AREG: variants seen among roughly 807,000 people sequenced by gnomAD.
AREG encodes amphiregulin B.
In AREG, 16 loss-of-function variants were observed where a neutral mutation model predicts 28.0. The ratio of observed to expected loss-of-function variants is 0.57; its 90% CI spans 0.39 to 0.87. The LOEUF (loss-of-function observed/expected upper bound fraction) is 0.87, where lower values mean the gene tolerates loss of function less well. AREG is among the 40% of genes least tolerant of loss of function. The probability of loss-of-function intolerance (pLI) is 0.00; values close to 1 mark genes in which losing one functional copy is unlikely to be tolerated. For synonymous variants in AREG, 113 were observed against 113.5 expected, an observed-to-expected ratio of 1.00 and a Z score of 0.02; for missense variants, 287 against 309.1, an observed-to-expected ratio of 0.93 and a Z score of 0.53.
Position 74,446,672 on chromosome 4 carries a change from G to A in AREG, c.200G>A (p.Ser67Asn). 1 of 1,613,960 alleles carries A rather than the reference G, an allele frequency of 6.2e-7. No homozygotes were observed. The highest frequency in any genetic ancestry group is 8.5e-7 in the Non-Finnish European group (1 of 1,179,868). ...MSSGSEISPV[S>N]EMPSSSEPSS... is the part of the protein sequence containing the mutation. ...TCAGGGAGTGAGATTTCCCCTGTGA[G>A]TGAAATGCCTTCTAGTAGTGAACCG... The change falls in exon 2 of 6, where the codon AGT becomes AAT. Residue 67 changes from serine to asparagine, a missense_variant. Coordinates refer to ENST00000395748, the MANE Select transcript of AREG (RefSeq NM_001657.4).
intron 2 of AREG, among the ~76,000 whole-genome samples, chr4:74,447,747 G>C (rs936521107): frequency 6.6e-6 from 1 of 152,186 alleles, no homozygotes; most frequent in African/African-American, 2.4e-5. Flanking sequence ...CTGGTGAAGG[G>C]ACATCAAGTG....
rs1016501771 is a variant in AREG, at chr4:74,452,526, A to G, written c.666-18A>G. On this transcript the variant is annotated intron_variant, in intron 4 of 5. Coordinates refer to ENST00000395748, the MANE Select transcript of AREG (RefSeq NM_001657.4). Reference sequence around the variant, plus strand: ...TGAATAGAACCTTGATAACATTAGAATGCCTTGTTCTCTGAAGGCTTAGAA... The same window carrying G: ...TGAATAGAACCTTGATAACATTAGAGTGCCTTGTTCTCTGAAGGCTTAGAA... 8.1e-6 allele frequency: 13 copies of G among 1,613,358 alleles called. No homozygotes were observed. The African/African-American group carries it at 1.6e-4, about 20-fold the overall frequency.
At chr4:74,448,341 A>C (rs989252714) in intron 2 of AREG, among the ~76,000 whole-genome samples, 1 of 152,200 alleles carries the variant, frequency 6.6e-6, no homozygotes. Context: ...CTCAGTATTT[A>C]TTTTCCATTT....
chr4:74,446,050 A>C (rs571561524), intron 1 of AREG, among the ~76,000 whole-genome samples: 1 of 88,166 alleles, frequency 1.1e-5, no homozygotes, highest in South Asian at 3.6e-4. Flanking sequence ...ATCTTTTAAA[A>C]ATATGAACAC....
chr4:74,454,884 A>G lies in AREG; in HGVS notation c.*144A>G. ...TTTAAACTTTCAATTGTCACTTTTT[A>G]TGCTATTTCTGTATATAAAGGTGCA... On this transcript the variant is annotated 3_prime_UTR_variant, in exon 6 of 6. Transcript: ENST00000395748. The G allele has an allele frequency of 1.4e-6, 1 of 698,896 alleles. No individual in the cohort carries two copies. The highest frequency in any genetic ancestry group is 1.5e-5 in the South Asian group (1 of 66,946). The allele number at this position is 698,896 out of a possible 1,614,324, so 43.3% of individuals were successfully genotyped here. A position where few individuals can be genotyped will look rare whatever the true frequency, so the allele number is the denominator to read the frequency against.
Position 74,449,160 on chromosome 4 carries a change from A to G in AREG, c.424A>G (p.Lys142Glu), listed in dbSNP as rs1322045871. 1 of 1,613,134 alleles carries G rather than the reference A, an allele frequency of 6.2e-7. No homozygotes were observed. Among genetic ancestry groups the G allele is most frequent in the South Asian group, 1.1e-5 (1 of 90,916 alleles). ...KNGKNRRNRK[K>E]KNPCNAEFQN... The stretch of plus-strand genomic sequence containing the variant: ...TGGAAAAAATAGAAGAAACAGAAAG[A>G]AGAAAAATCCATGTAATGCAGAATT... The change falls in exon 3 of 6, where the codon AAG becomes GAG. Residue 142 changes from lysine to glutamate, a missense_variant. Lys to Glu is a moderately conservative substitution (Grantham distance 56). Transcript: ENST00000395748.
Position 74,450,500 on chromosome 4 carries a change from G to GATCCTCACAGCTGTTGCTGTT in AREG, c.636_656dup (p.Leu213_Ile219dup). ...CCATAGCTGCCTTTATGTCTGCTGTGATCCTCACAGCTGTTGCTGTTATTA... is the reference window on the plus strand; with the variant it reads ...CCATAGCTGCCTTTATGTCTGCTGTGATCCTCACAGCTGTTGCTGTTATCCTCACAGCTGTTGCTGTTATTA... On this transcript the variant is annotated inframe_insertion, in exon 4 of 6. Coordinates refer to ENST00000395748, the MANE Select transcript of AREG (RefSeq NM_001657.4). 2 of 1,613,908 alleles carry GATCCTCACAGCTGTTGCTGTT rather than the reference G, an allele frequency of 1.2e-6. No homozygotes were observed. Among genetic ancestry groups the GATCCTCACAGCTGTTGCTGTT allele is most frequent in the Non-Finnish European group, 1.7e-6 (2 of 1,179,842 alleles).
intron 5 of AREG, among the ~76,000 whole-genome samples, chr4:74,453,642 C>T (rs1041315081): frequency 6.6e-6 from 1 of 152,308 alleles, no homozygotes; most frequent in African/African-American, 2.4e-5. Flanking sequence ...CACAGTGGCT[C>T]AGGCCTGTAA....
intron 5 of AREG, among the ~76,000 whole-genome samples, chr4:74,453,177 A>G (rs1320611582): frequency 6.6e-6 from 1 of 152,326 alleles, no homozygotes; most frequent in East Asian, 1.9e-4. Flanking sequence ...AAAATGGCTT[A>G]ATCTAAATGA....
At position 74,450,544 on chromosome 4, in the gene AREG, A is replaced by G; in HGVS notation, c.665+12A>G. 1 of 1,612,830 alleles carries G rather than the reference A, an allele frequency of 6.2e-7. No individual in the cohort carries two copies. The highest frequency in any genetic ancestry group is 8.5e-7 in the Non-Finnish European group (1 of 1,179,610). On this transcript the variant is annotated intron_variant, in intron 4 of 5. Coordinates refer to ENST00000395748, the MANE Select transcript of AREG (RefSeq NM_001657.4). The stretch of plus-strand genomic sequence containing the variant: ...GTTATTACAGTCCAGTAAGTATGAC[A>G]TAACTTACAAATTCTTAATAAAATA...
chr4:74,449,158 A>T lies in AREG; in HGVS notation c.422A>T (p.Lys141Met). ...AATGGAAAAAATAGAAGAAACAGAA[A>T]GAAGAAAAATCCATGTAATGCAGAA... ...GKNGKNRRNR[K>M]KKNPCNAEFQ... Residue 141 changes from lysine (K) to methionine (M), a missense_variant, in exon 3 of 6, where the codon AAG becomes ATG. Transcript: ENST00000395748. 6.2e-7 allele frequency: 1 copy of T among 1,613,128 alleles called. No homozygotes were observed. The highest frequency in any genetic ancestry group is 1.1e-5 in the South Asian group (1 of 90,920).
chr4:74,449,729 T>C lies in AREG; in HGVS notation c.512+481T>C, dbSNP rs866311784. Reference sequence around the variant, plus strand: ...GTGATCGCACCACTACACTCCAGCCTGGGAGACAGAGCGAGGCCCTGTCTC... The same window carrying C: ...GTGATCGCACCACTACACTCCAGCCCGGGAGACAGAGCGAGGCCCTGTCTC... On this transcript the variant is annotated intron_variant, in intron 3 of 5. Transcript: ENST00000395748. Among the ~76,000 whole-genome samples, 820 of 152,252 alleles carry C rather than the reference T, an allele frequency of 5.4e-3. 3 individuals are homozygous for C. The highest frequency in any genetic ancestry group is 9.3e-3 in the Non-Finnish European group (630 of 68,014).
chr4:74,452,487 A>C (rs28364990), intron 4 of AREG, 57 bp from the exon 5 acceptor site: 1 of 1,606,708 alleles, frequency 6.2e-7, no homozygotes, highest in African/African-American at 1.3e-5. Flanking sequence ...AAAAACCCCA[A>C]TCAAACATAT....
intron 5 of AREG, among the ~76,000 whole-genome samples, chr4:74,453,973 C>G (rs1246408): frequency 0.42 from 63,399 of 151,298 alleles, 13,508 homozygotes; most frequent in Middle Eastern, 0.49. Context: ...TATGCATATT[C>G]CTAAGCCCAG....
At chr4:74,450,277 T>C (rs1719360529) in intron 3 of AREG, 103 bp from the exon 4 acceptor site, 2 of 1,585,998 alleles carry the variant, frequency 1.3e-6, no homozygotes, top group East Asian at 2.2e-5. Context: ...TGGCATAACT[T>C]TTTTAATGTT....
chr4:74,446,186 A>AG (rs1719282952), intron 1 of AREG, among the ~76,000 whole-genome samples: 1 of 152,260 alleles, frequency 6.6e-6, no homozygotes. Context: ...TAGCAAAAAA[A>AG]GAAATGCATT....
intron 2 of AREG, 148 bp from the exon 3 acceptor site, chr4:74,448,899 C>T: frequency 8.8e-7 from 1 of 1,138,086 alleles, no homozygotes; most frequent in Admixed American, 2.8e-5. Flanking sequence ...GTTATGCAGT[C>T]CTCTCTAACT....
At chr4:74,447,370 G>A (rs1305598455) in intron 2 of AREG, among the ~76,000 whole-genome samples, 1 of 152,034 alleles carries the variant, frequency 6.6e-6, no homozygotes, top group Admixed American at 6.6e-5. Context: ...AGAAGCTGAT[G>A]GAATAATAAT....
At chr4:74,453,263 G>A (rs989038308) in intron 5 of AREG, among the ~76,000 whole-genome samples, 1 of 152,206 alleles carries the variant, frequency 6.6e-6, no homozygotes, top group Non-Finnish European at 1.5e-5. Flanking sequence ...TGCTTGCACT[G>A]ATAATGTGAG....
Sources: gnomAD v4.1 joint callset for allele counts (sites outside exome capture counted in the v4.1 genomes callset) on GRCh38, gnomAD v4.1.1 for gene constraint, MANE v1.5 for transcripts, NCBI Gene and HGNC (gene_info 2026-07-23, HGNC 2026-07-21) for gene names.